Variants in REPS2 observed in about 807,000 individuals in gnomAD.
REPS2 encodes ralBP1-associated Eps domain-containing protein 2.
Under a neutral mutation model 53.6 loss-of-function variants are expected in REPS2, and 23 were observed. The ratio of observed to expected loss-of-function variants is 0.43; its 90% CI spans 0.31 to 0.61. The LOEUF (loss-of-function observed/expected upper bound fraction) is 0.61. REPS2 is among the 20% of genes least tolerant of loss of function. REPS2 has a pLI of 0.11. For missense variants in REPS2, 446 were observed against 534.9 expected (o/e 0.83, Z 1.64); for synonymous variants, 238 against 218.6 (o/e 1.09, Z -0.78).
chrX:17,154,760 A>G (rs2063598804), downstream of REPS2, among the ~76,000 whole-genome samples: 1 of 112,730 alleles, frequency 8.9e-6, no homozygotes, highest in Admixed American at 9.4e-5. Context: ...ATCTGACAAA[A>G]GTTAACCACA....
chrX:17,091,037 T>C (rs1297128470), intron 13 of REPS2, among the ~76,000 whole-genome samples: 1 of 112,189 alleles, frequency 8.9e-6, no homozygotes, highest in East Asian at 2.8e-4. Context: ...GTCTGTTAAA[T>C]ATAAGGGCTT....
chrX:17,053,992 C>G (rs766326830), intron 7 of REPS2, among the ~76,000 whole-genome samples: 1 of 112,335 alleles, frequency 8.9e-6, no homozygotes, highest in Admixed American at 9.4e-5. Flanking sequence ...TATCTCTATG[C>G]TTGTCCTAAC....
chrX:17,181,401 A>G, the REPS2 span, among the ~76,000 whole-genome samples: 3 of 112,482 alleles, frequency 2.7e-5, no homozygotes, highest in African/African-American at 9.7e-5. Context: ...AGCAATCATG[A>G]CATAAGGAGA....
At chrX:16,963,726 G>T (rs764479597) in intron 1 of REPS2, among the ~76,000 whole-genome samples, 1 of 111,665 alleles carries the variant, frequency 9.0e-6, no homozygotes, top group South Asian at 3.8e-4. Context: ...ACAAGGTTGC[G>T]CTGGGGGGGC....
At position 16,947,138 on chromosome X, in the gene REPS2, G is replaced by C. The variant is rs1460098775; in HGVS notation, c.273+4G>C. ...GCCCGCCGAGACGCTGCACCAGGTG[G>C]GTCCCTCCGCCTCCTGTCCCTGCGG... On this transcript the variant is annotated splice_donor_region_variant and intron_variant, in intron 1 of 17. Coordinates refer to ENST00000357277, the MANE Select transcript of REPS2 (RefSeq NM_004726.3). 9.3e-6 allele frequency: 10 copies of C among 1,073,271 alleles called. No individual in the cohort carries two copies. Among genetic ancestry groups the C allele is most frequent in the Non-Finnish European group, 9.6e-6 (8 of 832,037 alleles). The allele number at this position is 1,073,271 out of a possible 1,213,427, so 88.4% of individuals were successfully genotyped here. A position where few individuals can be genotyped will look rare whatever the true frequency, so the allele number is the denominator to read the frequency against.
chrX:17,036,262 A>G (rs2061764431), intron 5 of REPS2, among the ~76,000 whole-genome samples: 1 of 112,827 alleles, frequency 8.9e-6, no homozygotes, highest in African/African-American at 3.2e-5. Context: ...TAACAAATTT[A>G]TGGGTCTTTG....
At position 17,050,137 on chromosome X, in the gene REPS2, T is replaced by TCTTCCTTC. The variant is rs772334608; in HGVS notation, c.908-2238_908-2237insCCTTCCTT. On this transcript the variant is annotated intron_variant, in intron 6 of 17. Transcript: ENST00000357277. ...TATGTTTCTTCTTTCTTTCTTCCTT[T>TCTTCCTTC]CTTCCTTTCTTTCTTTCTTTCTTTC... Among the ~76,000 whole-genome samples, 87 of 48,979 alleles carry TCTTCCTTC rather than the reference T, an allele frequency of 1.8e-3. 3 individuals are homozygous for TCTTCCTTC. Among genetic ancestry groups the TCTTCCTTC allele is most frequent in the East Asian group, 7.3e-3 (3 of 413 alleles). 42.5% of individuals were successfully genotyped at this position (48,979 alleles called of 115,157 possible).
intron 8 of REPS2, among the ~76,000 whole-genome samples, chrX:17,058,447 CT>C (rs2062105336): frequency 3.9e-5 from 2 of 51,000 alleles, no homozygotes; most frequent in East Asian, 8.1e-4. Flanking sequence ...AGCTAGACTC[CT>C]TCTCAAAAAA....
chrX:16,977,882 C>G (rs2060975405), intron 1 of REPS2, among the ~76,000 whole-genome samples: 1 of 111,130 alleles, frequency 9.0e-6, no homozygotes, highest in Non-Finnish European at 1.9e-5. Context: ...CATTTCTGCT[C>G]CAGATGGCAT....
the REPS2 span, among the ~76,000 whole-genome samples, chrX:17,163,944 C>G: frequency 8.9e-6 from 1 of 112,126 alleles, no homozygotes; most frequent in Non-Finnish European, 1.9e-5. Flanking sequence ...TCTTTCTTTT[C>G]TCCTCTCTGA....
downstream of REPS2, among the ~76,000 whole-genome samples, chrX:17,154,719 A>G (rs1457752142): frequency 8.9e-6 from 1 of 112,701 alleles, no homozygotes; most frequent in Admixed American, 9.4e-5. Flanking sequence ...AGTAACACAC[A>G]TCACTTTTCT....
At chrX:17,128,490 A>G (rs1202471484) in intron 14 of REPS2, among the ~76,000 whole-genome samples, 3 of 111,769 alleles carry the variant, frequency 2.7e-5, no homozygotes, top group Non-Finnish European at 5.6e-5. Flanking sequence ...GCTAACACTC[A>G]GAGCAGCTGG....
chrX:17,119,797 T>C (rs1183656055), intron 14 of REPS2, among the ~76,000 whole-genome samples: 1 of 110,151 alleles, frequency 9.1e-6, no homozygotes, highest in African/African-American at 3.3e-5. Flanking sequence ...GGCTCAGTTA[T>C]GGTGGTTTTC....
At chrX:17,069,241 T>TG (rs2062269862) in intron 10 of REPS2, among the ~76,000 whole-genome samples, 1 of 111,912 alleles carries the variant, frequency 8.9e-6, no homozygotes, top group African/African-American at 3.2e-5. Context: ...GAAAAAGATT[T>TG]GGGACAAGAA....
At chrX:16,986,310 G>C (rs908894216) in intron 1 of REPS2, among the ~76,000 whole-genome samples, 1 of 111,665 alleles carries the variant, frequency 9.0e-6, no homozygotes, top group Non-Finnish European at 1.9e-5. Context: ...CCTCTGCATG[G>C]CTTTGGTAGA....
chrX:17,148,636 G>T lies in REPS2; in HGVS notation c.*1155G>T. On this transcript the variant is annotated 3_prime_UTR_variant, in exon 18 of 18. Transcript: ENST00000357277. ...GAGGAGCCCAATTAACTCCAGTGTA[G>T]GTAATGTAAAACAGTAAGCTCAAAT... The T allele has an allele frequency of 5.8e-6, 1 of 173,397 alleles. No homozygotes were observed. The highest frequency in any genetic ancestry group is 1.1e-4 in the South Asian group (1 of 9,428). The allele number at this position is 173,397 out of a possible 1,213,427, so 14.3% of individuals were successfully genotyped here.
rs1238425127 is a variant in REPS2, at chrX:17,152,049, C to T, written c.*4568C>T. The T allele has an allele frequency of 9.0e-6, 1 of 111,272 alleles. No individual in the cohort carries two copies. Among genetic ancestry groups the T allele is most frequent in the East Asian group, 2.8e-4 (1 of 3,542 alleles). The allele number at this position is 111,272 out of a possible 1,213,427, so 9.2% of individuals were successfully genotyped here. On this transcript the variant is annotated 3_prime_UTR_variant, in exon 18 of 18. Coordinates refer to ENST00000357277, the MANE Select transcript of REPS2 (RefSeq NM_004726.3). The stretch of plus-strand genomic sequence containing the variant: ...TGGCAATTTGAATGTGGGTATTACT[C>T]TGTGAGCCACCCTGCTTCGCTTGTT...
At chrX:16,947,738 G>A (rs1236337445) in intron 1 of REPS2, among the ~76,000 whole-genome samples, 3 of 112,399 alleles carry the variant, frequency 2.7e-5, no homozygotes, top group African/African-American at 9.7e-5. Context: ...GCAAGAGGAC[G>A]TTTGTCAAGT....
rs2062133744 is a variant in REPS2 at position 17,059,920 on chromosome X, A to AGTCTCCTTTTGATAGTTTCATCAAG, written c.1115-2518_1115-2517insGTCTCCTTTTGATAGTTTCATCAAG. Among the ~76,000 whole-genome samples, 4 of 37,135 alleles carry AGTCTCCTTTTGATAGTTTCATCAAG rather than the reference A, an allele frequency of 1.1e-4. No individual in the cohort carries two copies. The South Asian group carries it at 3.4e-3, about 32-fold the overall frequency. The allele number at this position is 37,135 out of a possible 115,157, so 32.2% of individuals were successfully genotyped here. On this transcript the variant is annotated intron_variant, in intron 8 of 17. Transcript: ENST00000357277. ...GCTAGCCTTTTGATAGTTTCATCAA[A>AGTCTCCTTTTGATAGTTTCATCAAG]AGTCTCCTTTTGATAGTTTCATCAA... is the stretch of plus-strand genomic sequence containing the variant.
Sources: gnomAD v4.1 joint callset for allele counts (sites outside exome capture counted in the v4.1 genomes callset) on GRCh38, gnomAD v4.1.1 for gene constraint, MANE v1.5 for transcripts, NCBI Gene and HGNC (gene_info 2026-07-23, HGNC 2026-07-21) for gene names.